TMEM132C: variants seen among roughly 807,000 people sequenced by gnomAD.
The protein encoded by TMEM132C is protein phosphatase 1, regulatory subunit 152.
In TMEM132C, 29 loss-of-function variants were observed where a neutral mutation model predicts 61.4. That is an observed-to-expected ratio of 0.47 (90% confidence interval 0.35 to 0.64). The LOEUF is 0.64. Ranked by LOEUF, TMEM132C falls within the 30% of genes least tolerant of loss-of-function variation. TMEM132C has a pLI of 0.00. For missense variants in TMEM132C, 1,408 were observed against 1,476.9 expected, an observed-to-expected ratio of 0.95 and a Z score of 0.76; for synonymous variants, 656 against 633.1, an observed-to-expected ratio of 1.04 and a Z score of -0.54.
intron 1 of TMEM132C, among the ~76,000 whole-genome samples, 188 bp from the exon 2 acceptor site, chr12:128,414,544 T>C (rs534572113): frequency 6.6e-6 from 1 of 152,372 alleles, no homozygotes; most frequent in South Asian, 2.1e-4. Flanking sequence ...TATAACTATA[T>C]GCATAATTCG....
intron 1 of TMEM132C, among the ~76,000 whole-genome samples, chr12:128,340,716 TCTTCCTTC>T (rs201786533): frequency 1.7e-4 from 26 of 151,674 alleles, no homozygotes; most frequent in South Asian, 4.2e-4. Flanking sequence ...TCTTTCTCTT[TCTTCCTTC>T]CTTCCTTCCT....
intron 2 of TMEM132C, among the ~76,000 whole-genome samples, chr12:128,487,101 C>T (rs1871524938): frequency 6.6e-6 from 1 of 152,140 alleles, no homozygotes; most frequent in Non-Finnish European, 1.5e-5. Flanking sequence ...AGCCACCGAC[C>T]AAGGGACTTT....
intron 5 of TMEM132C, among the ~76,000 whole-genome samples, chr12:128,682,538 A>G (rs544797897): frequency 6.6e-6 from 1 of 152,200 alleles, no homozygotes; most frequent in Admixed American, 6.5e-5. Context: ...TTGGTCCTGC[A>G]TTGTCTGTGA....
At chr12:128,691,523 C>CCCATCCATCCATATTT (rs1593150351) in intron 5 of TMEM132C, among the ~76,000 whole-genome samples, 2 of 152,320 alleles carry the variant, frequency 1.3e-5, no homozygotes, top group East Asian at 3.9e-4. Context: ...ACTTAACCTG[C>CCCATCCATCCATATTT]CCATCCATCC....
At chr12:128,598,194 A>G (rs950076764) in intron 3 of TMEM132C, among the ~76,000 whole-genome samples, 2 of 152,226 alleles carry the variant, frequency 1.3e-5, no homozygotes, top group Admixed American at 1.3e-4. Context: ...AGGCAGGCAG[A>G]TGGTTTGAGG....
At chr12:128,317,051 C>T (rs1446308777) in intron 1 of TMEM132C, among the ~76,000 whole-genome samples, 1 of 152,164 alleles carries the variant, frequency 6.6e-6, no homozygotes, top group Non-Finnish European at 1.5e-5. Context: ...TTCTGTTGCT[C>T]AGTAACCAAA....
At chr12:128,444,280 T>C (rs1457107826) in intron 2 of TMEM132C, among the ~76,000 whole-genome samples, 1 of 152,200 alleles carries the variant, frequency 6.6e-6, no homozygotes, top group Non-Finnish European at 1.5e-5. Flanking sequence ...TTGTCATTTG[T>C]CATCTTTGCA....
intron 1 of TMEM132C, among the ~76,000 whole-genome samples, chr12:128,413,298 CA>C (rs56026776): frequency 8.3e-5 from 5 of 60,576 alleles, no homozygotes; most frequent in South Asian, 1.1e-3. Flanking sequence ...GACTCTGTCT[CA>C]AAAAAAAAAA....
chr12:128,457,305 T>TAAAAA (rs578230110), intron 2 of TMEM132C, among the ~76,000 whole-genome samples: 2 of 120,898 alleles, frequency 1.7e-5, no homozygotes, highest in Admixed American at 8.6e-5. Flanking sequence ...TCTCCATCTG[T>TAAAAA]AAAAAAAAAA....
At chr12:128,516,435 G>A (rs1439839750) in intron 2 of TMEM132C, among the ~76,000 whole-genome samples, 1 of 152,184 alleles carries the variant, frequency 6.6e-6, no homozygotes, top group African/African-American at 2.4e-5. Flanking sequence ...CATGGTGGAA[G>A]AACATCAGGA....
chr12:128,669,655 C>T, intron 5 of TMEM132C, 95 bp downstream of exon 5: 3 of 1,436,314 alleles, frequency 2.1e-6, no homozygotes, highest in Non-Finnish European at 2.8e-6. Flanking sequence ...ACATGACGTT[C>T]AACTATACAG....
chr12:128,631,508 G>A (rs1211418805), intron 4 of TMEM132C, among the ~76,000 whole-genome samples: 2 of 152,170 alleles, frequency 1.3e-5, no homozygotes, highest in African/African-American at 4.8e-5. Flanking sequence ...CTTTTTTTCA[G>A]ATTGTGTGAA....
chr12:128,277,773 C>G (rs1345813438), intron 1 of TMEM132C, among the ~76,000 whole-genome samples: 1 of 152,186 alleles, frequency 6.6e-6, no homozygotes, highest in African/African-American at 2.4e-5. Flanking sequence ...GGGGGCAGCC[C>G]ACATGGGAGG....
rs1425764919 is a variant in TMEM132C, at chr12:128,621,174, G to A, written c.1305+4839G>A. Among the ~76,000 whole-genome samples, 4 of 152,232 alleles carry A rather than the reference G, an allele frequency of 2.6e-5. No homozygotes were observed. The East Asian group carries it at 7.8e-4, about 30-fold the overall frequency. ...TCCCTTGCCCTCTGGCTTCTGGAGG[G>A]CTTTAACCAGTGGGAGGCACCAGAG... On this transcript the variant is annotated intron_variant, in intron 4 of 8. Coordinates refer to ENST00000435159, the MANE Select transcript of TMEM132C (RefSeq NM_001136103.3).
chr12:128,535,900 G>C (rs1209331828), intron 2 of TMEM132C, among the ~76,000 whole-genome samples: 1 of 151,900 alleles, frequency 6.6e-6, no homozygotes, highest in East Asian at 1.9e-4. Context: ...AACAGATACT[G>C]GAAAGGATGT....
At chr12:128,581,164 G>A (rs1875319848) in intron 3 of TMEM132C, among the ~76,000 whole-genome samples, 2 of 152,262 alleles carry the variant, frequency 1.3e-5, no homozygotes, top group South Asian at 4.1e-4. Context: ...CAGATATAAA[G>A]TCACTGCCAC....
intron 4 of TMEM132C, among the ~76,000 whole-genome samples, chr12:128,639,022 G>A (rs1361811029): frequency 6.0e-5 from 7 of 117,336 alleles, no homozygotes; most frequent in African/African-American, 2.1e-4. Context: ...GGTGGTGATG[G>A]TGATGGTGGT....
chr12:128,540,147 C>T (rs540811098), intron 2 of TMEM132C, among the ~76,000 whole-genome samples: 26 of 152,282 alleles, frequency 1.7e-4, no homozygotes, highest in East Asian at 1.5e-3. Context: ...TCCAAGGGCT[C>T]ATTTTGTCCC....
At position 128,506,008 on chromosome 12, in the gene TMEM132C, T is replaced by A. The variant is rs373030214; in HGVS notation, c.975-37949T>A. On this transcript the variant is annotated intron_variant, in intron 2 of 8. Transcript: ENST00000435159. ...AACTGAAAACCAGACCATGGCGGCATAAATATGGAGCATTTTGGGTTTTGT... is the reference window on the plus strand; with the variant it reads ...AACTGAAAACCAGACCATGGCGGCAAAAATATGGAGCATTTTGGGTTTTGT... Among the ~76,000 whole-genome samples, 50 of 152,346 alleles carry A rather than the reference T, an allele frequency of 3.3e-4. 1 individual carries two copies. In the South Asian group the frequency reaches 0.01, roughly 31 times the overall value.
Sources: gnomAD v4.1 joint callset for allele counts (sites outside exome capture counted in the v4.1 genomes callset) on GRCh38, gnomAD v4.1.1 for gene constraint, MANE v1.5 for transcripts, NCBI Gene and HGNC (gene_info 2026-07-23, HGNC 2026-07-21) for gene names.